Variants in VPS13B observed in about 807,000 individuals in gnomAD.
VPS13B encodes the protein vacuolar protein sorting 13 homolog B, also known as intermembrane lipid transfer protein VPS13B.
VPS13B carries 285 observed loss-of-function variants against 426.4 expected under a neutral mutation model. That is an observed-to-expected ratio of 0.67 (90% CI 0.61 to 0.74). The LOEUF is 0.74. Ranked by LOEUF, VPS13B falls within the 30% of genes least tolerant of loss-of-function variation. The pLI is 0.00. For missense variants in VPS13B, 4,537 were observed against 4,782.6 expected (o/e 0.95, Z 1.51); for synonymous variants, 1,676 against 1,676.4 (o/e 1.00, Z 0.01).
chr8:99,370,024 A>C (rs1195858179), intron 19 of VPS13B, among the ~76,000 whole-genome samples: 3 of 152,208 alleles, frequency 2.0e-5, no homozygotes, highest in African/African-American at 7.2e-5. Flanking sequence ...AGCATACTTT[A>C]CAATAACTAC....
chr8:99,028,529 C>T (rs1324139912), intron 2 of VPS13B, among the ~76,000 whole-genome samples: 2 of 107,882 alleles, frequency 1.9e-5, no homozygotes, highest in Non-Finnish European at 4.0e-5. Context: ...CTGACCCCCC[C>T]CCCCACCTCC....
chr8:99,527,529 C>T (rs915296145), intron 30 of VPS13B, among the ~76,000 whole-genome samples: 12 of 151,992 alleles, frequency 7.9e-5, no homozygotes, highest in Admixed American at 4.6e-4. Flanking sequence ...CTGAGATTCT[C>T]CTATTCTGTG....
chr8:99,305,460 G>T (rs899011100), intron 19 of VPS13B, among the ~76,000 whole-genome samples: 7 of 152,116 alleles, frequency 4.6e-5, no homozygotes, highest in Non-Finnish European at 8.8e-5. Flanking sequence ...TTTTTATAAG[G>T]GATTTGAGTA....
chr8:99,422,014 G>C (rs773357582), intron 21 of VPS13B, among the ~76,000 whole-genome samples: 35 of 152,170 alleles, frequency 2.3e-4, no homozygotes, highest in Non-Finnish European at 3.2e-4. Context: ...AGCACTTGCA[G>C]CAGTGCCTGG....
chr8:99,683,839 C>G (rs182110733), intron 35 of VPS13B, among the ~76,000 whole-genome samples: 3 of 152,264 alleles, frequency 2.0e-5, no homozygotes, highest in Admixed American at 1.3e-4. Context: ...GCCCTTTTAT[C>G]TTGCCTTGTT....
chr8:99,742,441 T>C (rs1809793956), intron 39 of VPS13B, among the ~76,000 whole-genome samples: 2 of 151,998 alleles, frequency 1.3e-5, no homozygotes, highest in South Asian at 2.1e-4. Context: ...TTCCAATCAA[T>C]AGAAAAACAG....
At chr8:99,620,526 A>G (rs750505456) in intron 33 of VPS13B, among the ~76,000 whole-genome samples, 1 of 152,206 alleles carries the variant, frequency 6.6e-6, no homozygotes, top group Non-Finnish European at 1.5e-5. Flanking sequence ...AAGGAGAACC[A>G]GGAAAATGAC....
intron 44 of VPS13B, among the ~76,000 whole-genome samples, chr8:99,812,545 T>A (rs1813768857): frequency 6.6e-6 from 1 of 152,196 alleles, no homozygotes; most frequent in African/African-American, 2.4e-5. Flanking sequence ...TTCTTAACAT[T>A]GATGCTGGGT....
chr8:99,601,823 C>T (rs1428809977), intron 33 of VPS13B, among the ~76,000 whole-genome samples: 1 of 152,124 alleles, frequency 6.6e-6, no homozygotes, highest in East Asian at 1.9e-4. Context: ...TGTTCATATC[C>T]TTCGCCCACT....
At chr8:99,051,628 C>A (rs1843557994) in intron 3 of VPS13B, among the ~76,000 whole-genome samples, 1 of 152,146 alleles carries the variant, frequency 6.6e-6, no homozygotes, top group Non-Finnish European at 1.5e-5. Flanking sequence ...GGCAATATGG[C>A]CATTTTCACG....
intron 31 of VPS13B, among the ~76,000 whole-genome samples, chr8:99,568,110 C>T (rs942352920): frequency 6.6e-6 from 1 of 151,836 alleles, no homozygotes; most frequent in African/African-American, 2.4e-5. Flanking sequence ...TCATGCCTGG[C>T]TGGGAGGAAA....
intron 58 of VPS13B, among the ~76,000 whole-genome samples, chr8:99,864,277 C>T (rs1024286858): frequency 6.6e-6 from 1 of 152,232 alleles, no homozygotes; most frequent in African/African-American, 2.4e-5. Context: ...AGGCCGGGTA[C>T]ATGGCTCACA....
At chr8:99,640,010 T>TAAGAAGAAGAAGAAGAAGAAG (rs1459641340) in intron 33 of VPS13B, among the ~76,000 whole-genome samples, 1 of 72,570 alleles carries the variant, frequency 1.4e-5, no homozygotes, top group African/African-American at 5.5e-5. Context: ...ATAATAATAA[T>TAAGAAGAAGAAGAAGAAGAAG]AATAATAATA....
chr8:99,454,064 C>T (rs1306174256), intron 23 of VPS13B, among the ~76,000 whole-genome samples: 2 of 152,174 alleles, frequency 1.3e-5, no homozygotes, highest in African/African-American at 4.8e-5. Context: ...TCCCTGTCTC[C>T]ATAGCTTTGC....
chr8:99,732,287 G>A (rs1414565916), intron 39 of VPS13B, among the ~76,000 whole-genome samples: 1 of 152,184 alleles, frequency 6.6e-6, no homozygotes, highest in Non-Finnish European at 1.5e-5. Flanking sequence ...CCATCTTCCT[G>A]CTGTATGCTA....
At chr8:99,329,362 T>C (rs1810440209) in intron 19 of VPS13B, among the ~76,000 whole-genome samples, 1 of 152,076 alleles carries the variant, frequency 6.6e-6, no homozygotes, top group South Asian at 2.1e-4. Flanking sequence ...AAATGAAATA[T>C]TATTAATTTT....
intron 19 of VPS13B, among the ~76,000 whole-genome samples, chr8:99,381,323 G>A (rs749846792): frequency 7.2e-5 from 11 of 152,140 alleles, no homozygotes; most frequent in Non-Finnish European, 1.5e-4. Flanking sequence ...CATTTAGGTT[G>A]ATTCCATGTC....
chr8:99,085,598 C>T (rs530136583), intron 3 of VPS13B, among the ~76,000 whole-genome samples: 1 of 152,182 alleles, frequency 6.6e-6, no homozygotes, highest in East Asian at 1.9e-4. Flanking sequence ...CTGGTTTTTC[C>T]TTTCCATGTT....
intron 17 of VPS13B, among the ~76,000 whole-genome samples, chr8:99,194,226 G>A (rs1813762717): frequency 6.6e-6 from 1 of 152,096 alleles, no homozygotes; most frequent in Admixed American, 6.5e-5. Flanking sequence ...GTAGGCTAGA[G>A]GTTCTTCACT....
Sources: gnomAD v4.1 joint callset for allele counts (sites outside exome capture counted in the v4.1 genomes callset) on GRCh38, gnomAD v4.1.1 for gene constraint, MANE v1.5 for transcripts, NCBI Gene and HGNC (gene_info 2026-07-23, HGNC 2026-07-21) for gene names.